ZFYVE9: variants seen among roughly 807,000 people sequenced by gnomAD.
The protein encoded by ZFYVE9 is zinc finger FYVE-type containing 9.
A neutral mutation model predicts 126.7 loss-of-function variants in ZFYVE9; 43 were observed. That is an observed-to-expected ratio of 0.34 (90% CI 0.27 to 0.44). The LOEUF is 0.44. ZFYVE9 is among the 20% of genes least tolerant of loss of function. ZFYVE9 has a pLI of 1.00. For missense variants in ZFYVE9, 1,476 were observed against 1,697.0 expected (o/e 0.87, Z 2.29); for synonymous variants, 521 against 597.4 (o/e 0.87, Z 1.87).
At chr1:52,293,026 T>C (rs1339661927) in intron 10 of ZFYVE9, among the ~76,000 whole-genome samples, 1 of 152,140 alleles carries the variant, frequency 6.6e-6, no homozygotes, top group Non-Finnish European at 1.5e-5. Context: ...TAGTGAAAGA[T>C]TGGGAATTAC....
intron 3 of ZFYVE9, among the ~76,000 whole-genome samples, chr1:52,234,194 C>A (rs1010964521): frequency 6.6e-6 from 1 of 152,202 alleles, no homozygotes; most frequent in Non-Finnish European, 1.5e-5. Flanking sequence ...CCTGTGTTCT[C>A]TATTTCTAAC....
intron 15 of ZFYVE9, among the ~76,000 whole-genome samples, chr1:52,337,312 A>G (rs1646398721): frequency 6.6e-6 from 1 of 152,210 alleles, no homozygotes; most frequent in South Asian, 2.1e-4. Flanking sequence ...TAGTCAATAA[A>G]TGGATTTATC....
chr1:52,142,523 C>T lies in ZFYVE9; in HGVS notation c.-143+120C>T, dbSNP rs895417970. On this transcript the variant is annotated intron_variant, in intron 1 of 18. Transcript: ENST00000287727. This position sits in a 1 kb window ranked among gnomAD's most constrained non-coding sequence, Gnocchi z 4.5. The stretch of plus-strand genomic sequence containing the variant: ...TGCCACTGCGGTCGCCTCCCCCACC[C>T]TGCGGTCCTGGGGCCTCAGCCCTTT... 1.3e-5 allele frequency: 2 copies of T among 152,284 alleles called. No homozygotes were observed. The highest frequency in any genetic ancestry group is 4.1e-4 in the South Asian group (2 of 4,830). 9.4% of individuals were successfully genotyped at this position (152,284 alleles called of 1,614,324 possible). A position where few individuals can be genotyped will look rare whatever the true frequency, so the allele number is the denominator to read the frequency against.
At position 52,304,781 on chromosome 1, in the gene ZFYVE9, A is replaced by G. The variant is rs973359476; in HGVS notation, c.3438+856A>G. Among the ~76,000 whole-genome samples the G allele has an allele frequency of 4.6e-5, 7 of 151,474 alleles. No homozygotes were observed. In the East Asian group the frequency reaches 1.4e-3, roughly 29 times the overall value. On this transcript the variant is annotated intron_variant, in intron 13 of 18. Coordinates refer to ENST00000287727, the MANE Select transcript of ZFYVE9 (RefSeq NM_004799.4). The stretch of plus-strand genomic sequence containing the variant: ...TCTGTGAAGAAAGCTTTTAGCCATG[A>G]CTTTCCACGTGATTTTTTTTTTTTT...
intron 1 of ZFYVE9, among the ~76,000 whole-genome samples, chr1:52,215,908 T>C (rs1645068074): frequency 6.6e-6 from 1 of 152,046 alleles, no homozygotes; most frequent in Non-Finnish European, 1.5e-5. Context: ...AAAAAAACAG[T>C]TTGGCAATAA....
chr1:52,185,158 G>A (rs1483987535), intron 1 of ZFYVE9, among the ~76,000 whole-genome samples: 1 of 152,130 alleles, frequency 6.6e-6, no homozygotes, highest in African/African-American at 2.4e-5. Context: ...TTCTTAAGAG[G>A]TGTTCAACAA....
chr1:52,173,867 A>G (rs201156093), intron 1 of ZFYVE9, among the ~76,000 whole-genome samples: 1 of 151,664 alleles, frequency 6.6e-6, no homozygotes, highest in African/African-American at 2.4e-5. Flanking sequence ...ATAATTTTTT[A>G]TTGTGTCTAT....
At chr1:52,205,495 C>T (rs1361694166) in intron 1 of ZFYVE9, among the ~76,000 whole-genome samples, 14 of 151,900 alleles carry the variant, frequency 9.2e-5, no homozygotes, top group Admixed American at 9.2e-4. Flanking sequence ...TCCTGAGTAG[C>T]TAGGTCTACA....
intron 10 of ZFYVE9, among the ~76,000 whole-genome samples, chr1:52,282,688 A>C (rs1645815924): frequency 6.6e-6 from 1 of 152,218 alleles, no homozygotes; most frequent in Non-Finnish European, 1.5e-5. Flanking sequence ...CCAGAATATA[A>C]AATGCACTTC....
intron 4 of ZFYVE9, chr1:52,253,644 TC>T (rs1645474022): frequency 6.7e-7 from 1 of 1,500,658 alleles, no homozygotes; most frequent in Admixed American, 1.7e-5. Flanking sequence ...ACAAGGCACC[TC>T]CTGGTACTGA....
At position 52,263,758 on chromosome 1, in the gene ZFYVE9, C is replaced by T. The variant is rs112019028; in HGVS notation, c.2179-15C>T. ...AAGTAAATTTTGTGTGTTCTTCCCCCCCCCCCCCCCACAGGTTTTCTGTGC... is the reference window on the plus strand; with the variant it reads ...AAGTAAATTTTGTGTGTTCTTCCCCTCCCCCCCCCCACAGGTTTTCTGTGC... On this transcript the variant is annotated splice_polypyrimidine_tract_variant and intron_variant, in intron 4 of 18. Coordinates refer to ENST00000287727, the MANE Select transcript of ZFYVE9 (RefSeq NM_004799.4). 3.5e-5 allele frequency: 24 copies of T among 686,096 alleles called. No homozygotes were observed. Among genetic ancestry groups the T allele is most frequent in the South Asian group, 2.7e-4 (13 of 48,336 alleles). 42.5% of individuals were successfully genotyped at this position (686,096 alleles called of 1,614,324 possible).
intron 13 of ZFYVE9, among the ~76,000 whole-genome samples, chr1:52,307,235 T>G (rs906786254): frequency 1.3e-5 from 2 of 152,162 alleles, no homozygotes; most frequent in South Asian, 2.1e-4. Flanking sequence ...TTTCTTTTTT[T>G]TTGTTTTGTT....
At chr1:52,155,234 C>CTTTTTT (rs202048189) in intron 1 of ZFYVE9, among the ~76,000 whole-genome samples, 2 of 129,092 alleles carry the variant, frequency 1.5e-5, no homozygotes, top group Non-Finnish European at 1.7e-5. Flanking sequence ...TCTTTTTTTT[C>CTTTTTT]TTTTTTTTTT....
At chr1:52,185,642 G>A (rs1483017292) in intron 1 of ZFYVE9, among the ~76,000 whole-genome samples, 2 of 152,160 alleles carry the variant, frequency 1.3e-5, no homozygotes, top group African/African-American at 4.8e-5. Context: ...GGCTCTTGAT[G>A]GCCGGGCACG....
intron 4 of ZFYVE9, among the ~76,000 whole-genome samples, chr1:52,246,005 G>GCAGCC: frequency 6.6e-6 from 1 of 152,292 alleles, no homozygotes; most frequent in South Asian, 2.1e-4. Flanking sequence ...TCAACTGACT[G>GCAGCC]CAGCCTCTAC....
intron 1 of ZFYVE9, among the ~76,000 whole-genome samples, chr1:52,154,102 G>A (rs1644380707): frequency 6.6e-6 from 1 of 152,224 alleles, no homozygotes; most frequent in Admixed American, 6.5e-5. Flanking sequence ...CTTTCACTGT[G>A]AAGTGATTCC....
chr1:52,223,443 C>G (rs1418311932), intron 2 of ZFYVE9, among the ~76,000 whole-genome samples: 3 of 152,130 alleles, frequency 2.0e-5, no homozygotes, highest in Non-Finnish European at 2.9e-5. Flanking sequence ...TTGCTTCTGC[C>G]TTTCCTCATC....
At chr1:52,310,802 C>A (rs1384022976) in intron 13 of ZFYVE9, among the ~76,000 whole-genome samples, 5 of 152,214 alleles carry the variant, frequency 3.3e-5, no homozygotes, top group Non-Finnish European at 5.9e-5. Flanking sequence ...ACTGAAGTCT[C>A]ATGGAACGGT....
intron 1 of ZFYVE9, among the ~76,000 whole-genome samples, chr1:52,202,076 A>G (rs470438): frequency 2.6e-4 from 40 of 151,986 alleles, no homozygotes; most frequent in East Asian, 7.8e-4. Flanking sequence ...GAGCCACCGC[A>G]CACAGCCCAA....
Sources: allele counts gnomAD v4.1 joint callset (sites outside exome capture counted in the v4.1 genomes callset), GRCh38; gene constraint gnomAD v4.1.1; non-coding constraint Gnocchi (gnomAD v3.1); transcripts MANE v1.5; gene names NCBI Gene and HGNC (gene_info 2026-07-23, HGNC 2026-07-21).